PPP2R2B: variants seen among roughly 807,000 people sequenced by gnomAD.
PPP2R2B encodes the protein serine/threonine-protein phosphatase 2A 55 kDa regulatory subunit B beta isoform.
PPP2R2B carries 5 observed loss-of-function variants against 46.0 expected under a neutral mutation model. The observed-to-expected ratio is 0.11, with a 90% CI of 0.06 to 0.23. PPP2R2B has a LOEUF of 0.23. Among genes scored for constraint, PPP2R2B ranks in the 10% least tolerant of loss-of-function variants. The pLI, the probability that PPP2R2B is intolerant of heterozygous loss-of-function variation, is 1.00. For missense variants in PPP2R2B, 367 were observed against 575.0 expected (o/e 0.64, Z 3.70); for synonymous variants, 215 against 206.7 (o/e 1.04, Z -0.34).
chr5:147,066,388 C>A (rs997901680), intron 2 of PPP2R2B, among the ~76,000 whole-genome samples: 3 of 152,154 alleles, frequency 2.0e-5, no homozygotes, highest in Non-Finnish European at 2.9e-5. Context: ...CTGGATGTAG[C>A]TTCAATTATT....
intron 2 of PPP2R2B, among the ~76,000 whole-genome samples, chr5:146,816,033 A>G (rs901417049): frequency 1.3e-5 from 2 of 152,156 alleles, no homozygotes; most frequent in Non-Finnish European, 2.9e-5. Context: ...GCCGTTCCTA[A>G]TATCAAGATT....
At chr5:147,021,377 G>C (rs114880252) in intron 1 of PPP2R2B, among the ~76,000 whole-genome samples, 2 of 152,190 alleles carry the variant, frequency 1.3e-5, no homozygotes, top group African/African-American at 4.8e-5. Context: ...GGAGAGGTGA[G>C]AGTGGAGAAA....
intron 4 of PPP2R2B, among the ~76,000 whole-genome samples, chr5:146,691,823 G>A (rs561698575): frequency 2.0e-5 from 3 of 152,198 alleles, no homozygotes; most frequent in East Asian, 1.9e-4. Flanking sequence ...ACTAAGCCTC[G>A]GGGCCTTTGC....
chr5:146,749,196 C>T (rs747928123), intron 2 of PPP2R2B, among the ~76,000 whole-genome samples: 5 of 152,108 alleles, frequency 3.3e-5, no homozygotes, highest in Non-Finnish European at 5.9e-5. Flanking sequence ...GGTCATCTGT[C>T]TATCGTCTTT....
chr5:146,893,665 G>A (rs79362000), intron 1 of PPP2R2B, among the ~76,000 whole-genome samples: 10 of 151,900 alleles, frequency 6.6e-5, no homozygotes, highest in Non-Finnish European at 1.3e-4. Flanking sequence ...AATACAAAAT[G>A]AGAACACATG....
rs76050877 is a variant in PPP2R2B at position 146,655,188 on chromosome 5, C to T, written c.448-4464G>A. Among the ~76,000 whole-genome samples the T allele has an allele frequency of 6.4e-3, 975 of 152,278 alleles. 22 individuals are homozygous for T. Among genetic ancestry groups the T allele is most frequent in the Admixed American group, 0.042 (637 of 15,300 alleles). ...TCTCCTAGGCTGCTTTCAAAGGACG[C>T]ACATCCCAGCACTGTGTCTTGCCTG... On this transcript the variant is annotated intron_variant, in intron 5 of 9. Transcript: ENST00000394411.
intron 2 of PPP2R2B, among the ~76,000 whole-genome samples, chr5:146,780,140 G>A (rs80129359): frequency 0.022 from 3,389 of 152,164 alleles, 117 homozygotes; most frequent in African/African-American, 0.078. Context: ...CTATTATGTG[G>A]CCAACACTTT....
intron 1 of PPP2R2B, among the ~76,000 whole-genome samples, chr5:147,028,883 G>C: frequency 6.6e-6 from 1 of 152,244 alleles, no homozygotes; most frequent in South Asian, 2.1e-4. Context: ...TCAGTATGTC[G>C]TGGTATTCCA....
At chr5:146,954,041 T>C (rs1450387852) in intron 1 of PPP2R2B, among the ~76,000 whole-genome samples, 4 of 152,030 alleles carry the variant, frequency 2.6e-5, no homozygotes, top group Non-Finnish European at 5.9e-5. Context: ...CAGGTGTGCA[T>C]GCAATTTAAT....
At chr5:147,042,632 G>T (rs536879403) in intron 1 of PPP2R2B, among the ~76,000 whole-genome samples, 4 of 152,192 alleles carry the variant, frequency 2.6e-5, no homozygotes, top group Admixed American at 2.0e-4. Context: ...CTATATGCCA[G>T]GTAAAATAAT....
chr5:147,012,163 C>T (rs994527488), intron 1 of PPP2R2B, among the ~76,000 whole-genome samples: 11 of 151,564 alleles, frequency 7.3e-5, no homozygotes, highest in African/African-American at 1.7e-4. Context: ...GTACCAGTTC[C>T]TCCTTGTACC....
At position 147,063,671 on chromosome 5, in the gene PPP2R2B, C is replaced by T. The variant is rs1443447761; in HGVS notation, c.50+17388G>A. On this transcript the variant is annotated intron_variant, in intron 2 of 10. Coordinates refer to the PPP2R2B transcript ENST00000394413. Reference sequence around the variant, plus strand: ...AATCATGAATATTATGAAGAGGAACCAATATTCTGATATGAAACAATATTT... The same window carrying T: ...AATCATGAATATTATGAAGAGGAACTAATATTCTGATATGAAACAATATTT... 5.3e-5 allele frequency among the ~76,000 whole-genome samples: 8 copies of T among 152,080 alleles called. No individual in the cohort carries two copies. In the South Asian group the frequency reaches 1.0e-3, roughly 20 times the overall value.
intron 2 of PPP2R2B, among the ~76,000 whole-genome samples, chr5:146,803,758 G>A (rs1158032396): frequency 6.6e-6 from 1 of 152,180 alleles, no homozygotes; most frequent in Non-Finnish European, 1.5e-5. Flanking sequence ...TATAAACTAT[G>A]TGGTTTTTGG....
intron 1 of PPP2R2B, among the ~76,000 whole-genome samples, chr5:147,012,203 G>A (rs1334236485): frequency 1.3e-5 from 2 of 151,892 alleles, no homozygotes; most frequent in Admixed American, 6.6e-5. Context: ...GAATTCATCT[G>A]GTCCTGGACT....
At chr5:146,678,234 C>T (rs1246062401) in intron 5 of PPP2R2B, among the ~76,000 whole-genome samples, 3 of 151,878 alleles carry the variant, frequency 2.0e-5, no homozygotes, top group Non-Finnish European at 4.4e-5. Flanking sequence ...AAGGCTGGCT[C>T]AATATACGCA....
intron 1 of PPP2R2B, among the ~76,000 whole-genome samples, chr5:147,006,444 A>C (rs1473445285): frequency 6.6e-6 from 1 of 152,146 alleles, no homozygotes; most frequent in Non-Finnish European, 1.5e-5. Flanking sequence ...GTATTATCCT[A>C]ACTTCTAATC....
intron 1 of PPP2R2B, among the ~76,000 whole-genome samples, chr5:147,018,040 C>T (rs1035367309): frequency 1.2e-3 from 8 of 6,714 alleles, no homozygotes; most frequent in Non-Finnish European, 2.0e-3. Context: ...CATGCATGCG[C>T]GCGCACACAC....
intron 1 of PPP2R2B, among the ~76,000 whole-genome samples, chr5:147,003,060 G>A (rs531759878): frequency 6.5e-4 from 99 of 151,834 alleles, no homozygotes; most frequent in African/African-American, 2.2e-3. Flanking sequence ...ATTACTATAC[G>A]ATCCTGCAGG....
intron 1 of PPP2R2B, among the ~76,000 whole-genome samples, chr5:147,037,588 T>G (rs1472174714): frequency 6.6e-6 from 1 of 152,110 alleles, no homozygotes; most frequent in Admixed American, 6.6e-5. Flanking sequence ...TGTAAAAGTA[T>G]GTGTTGAGTG....
Sources: gnomAD v4.1 joint callset for allele counts (sites outside exome capture counted in the v4.1 genomes callset) on GRCh38, gnomAD v4.1.1 for gene constraint, MANE v1.5 for transcripts, NCBI Gene and HGNC (gene_info 2026-07-23, HGNC 2026-07-21) for gene names.